AHRR: variants seen among roughly 807,000 people sequenced by gnomAD.
The protein encoded by AHRR is aryl hydrocarbon receptor repressor, also known as ahR repressor.
Under a neutral mutation model 44.0 loss-of-function variants are expected in AHRR, and 28 were observed. That is an observed-to-expected ratio of 0.64 (90% CI 0.47 to 0.87). AHRR has a LOEUF of 0.87. Among genes scored for constraint, AHRR ranks in the 40% least tolerant of loss-of-function variants. AHRR has a pLI of 0.00. For missense variants in AHRR, 990 were observed against 953.9 expected (o/e 1.04, Z -0.50); for synonymous variants, 434 against 407.0 (o/e 1.07, Z -0.80).
chr5:415,441 G>T lies in AHRR; in HGVS notation c.441+2008G>T, dbSNP rs71585242. Among the ~76,000 whole-genome samples the T allele has an allele frequency of 6.6e-3, 576 of 87,912 alleles. 5 individuals are homozygous for T. The highest frequency in any genetic ancestry group is 0.017 in the African/African-American group (253 of 14,852). The allele number at this position is 87,912 out of a possible 152,430, so 57.7% of individuals were successfully genotyped here. A position where few individuals can be genotyped will look rare whatever the true frequency, so the allele number is the denominator to read the frequency against. ...GCCTAGGGGCCGAATCTGCCTGGTC[G>T]GGCGGGAGGCCTAGGGGCCGAGTCT... On this transcript the variant is annotated intron_variant, in intron 5 of 10. Transcript: ENST00000684583.
chr5:434,937 C>G lies in AHRR; in HGVS notation c.*103C>G. The G allele has an allele frequency of 7.0e-7, 1 of 1,429,380 alleles. No individual in the cohort carries two copies. Among genetic ancestry groups the G allele is most frequent in the Non-Finnish European group, 9.3e-7 (1 of 1,075,232 alleles). The allele number at this position is 1,429,380 out of a possible 1,614,324, so 88.5% of individuals were successfully genotyped here. On this transcript the variant is annotated 3_prime_UTR_variant, in exon 11 of 11. Transcript: ENST00000684583. The stretch of plus-strand genomic sequence containing the variant: ...TCAGGCCGGAGCCCGTCCTAAGACA[C>G]ACGCTTTGCAGAGCTGTGCATGCGC...
intron 3 of AHRR, among the ~76,000 whole-genome samples, chr5:373,425 G>C (rs578138408): frequency 6.6e-6 from 1 of 152,334 alleles, no homozygotes; most frequent in East Asian, 1.9e-4. Flanking sequence ...GGTCTTGGAG[G>C]CACAGAGCTC....
chr5:324,598 C>A (rs534045446), intron 1 of AHRR, among the ~76,000 whole-genome samples: 63 of 151,678 alleles, frequency 4.2e-4, no homozygotes, highest in African/African-American at 1.5e-3. Flanking sequence ...CCAGCCTGAC[C>A]AACATGGAGA....
Position 434,813 on chromosome 5 carries a change from G to A in AHRR, c.2073G>A (p.Ser691=), listed in dbSNP as rs368088592. 130 of 1,551,124 alleles carry A rather than the reference G, an allele frequency of 8.4e-5. No individual in the cohort carries two copies. The highest frequency in any genetic ancestry group is 5.5e-4 in the East Asian group (23 of 41,450). ...CCACGCTGGTCCCGCCCCAAGCTTC[G>A]GGGTGCACATTCCTGCCATAGCGCA... ...ALATLVPPQA[S]GCTFLP The change falls in exon 11 of 11, where the codon TCG becomes TCA. Residue 691 remains serine (S), a synonymous_variant. Coordinates refer to ENST00000684583, the MANE Select transcript of AHRR (RefSeq NM_001377236.1).
intron 1 of AHRR, among the ~76,000 whole-genome samples, chr5:324,037 GTC>G (rs1741612105): frequency 1.2e-5 from 1 of 83,942 alleles, no homozygotes; most frequent in Admixed American, 1.1e-4. Flanking sequence ...CTCTCTCTCT[GTC>G]TCTCTTTCTC....
At chr5:424,442 G>T (rs531223335) in intron 7 of AHRR, among the ~76,000 whole-genome samples, 67 of 151,442 alleles carry the variant, frequency 4.4e-4, no homozygotes, top group African/African-American at 1.6e-3. Flanking sequence ...TGGTATGGGG[G>T]TGTTAACCCA....
In AHRR at chr5:414,890, A is replaced by G. The variant is rs539551498; in HGVS notation, c.441+1457A>G. Among the ~76,000 whole-genome samples the G allele has an allele frequency of 4.6e-5, 7 of 152,246 alleles. No individual in the cohort carries two copies. In the South Asian group the frequency reaches 1.4e-3, roughly 31 times the overall value. On this transcript the variant is annotated intron_variant, in intron 5 of 10. Coordinates refer to ENST00000684583, the MANE Select transcript of AHRR (RefSeq NM_001377236.1). Reference sequence around the variant, plus strand: ...GTGTAAGGCAGTGTTAACCAGTAGCACCGGCTCAGCAACGAAGGACTAAAG... The same window carrying G: ...GTGTAAGGCAGTGTTAACCAGTAGCGCCGGCTCAGCAACGAAGGACTAAAG...
At chr5:389,421 A>G (rs1734310713) in intron 4 of AHRR, among the ~76,000 whole-genome samples, 1 of 152,274 alleles carries the variant, frequency 6.6e-6, no homozygotes, top group South Asian at 2.1e-4. Context: ...AATCAACGAC[A>G]CCAACATCAA....
intron 3 of AHRR, among the ~76,000 whole-genome samples, chr5:356,384 C>T (rs1743047778): frequency 6.6e-6 from 1 of 152,218 alleles, no homozygotes; most frequent in African/African-American, 2.4e-5. Flanking sequence ...TTGCTGAAGC[C>T]CAGTTGTGGG....
rs1179475445 is a variant in AHRR, at chr5:411,937, A to G, written c.352-1407A>G. Among the ~76,000 whole-genome samples the G allele has an allele frequency of 6.6e-6, 1 of 152,212 alleles. No homozygotes were observed. The highest frequency in any genetic ancestry group is 1.9e-4 in the East Asian group (1 of 5,192). On this transcript the variant is annotated intron_variant, in intron 4 of 10. Transcript: ENST00000684583. This position sits in a 1 kb window ranked among gnomAD's most constrained non-coding sequence, Gnocchi z 4.2. ...TCCACCTGGTAGCCTGTGCTTGCTC[A>G]GCGTCAGTGGCCATTGCTGCCATGG...
chr5:340,706 T>A (rs1262862714), intron 1 of AHRR, among the ~76,000 whole-genome samples: 16 of 59,564 alleles, frequency 2.7e-4, no homozygotes, highest in African/African-American at 1.0e-3. Flanking sequence ...TTTTTTTTTT[T>A]TTTTTTTGAG....
intron 2 of AHRR, among the ~76,000 whole-genome samples, chr5:352,845 C>G (rs1323924111): frequency 1.3e-5 from 2 of 150,828 alleles, no homozygotes; most frequent in African/African-American, 4.9e-5. Context: ...GGGACGGTCA[C>G]TGTGAGGTTA....
chr5:343,660 CTGACACCGAGGGGAGGCCCAGGCG>C (rs2126362224), intron 1 of AHRR: 1 of 503,804 alleles, frequency 2.0e-6, no homozygotes, highest in African/African-American at 2.1e-5. Context: ...CGGGACCCGC[CTGACACCGAGGGGAGGCCCAGGCG>C]TGACCCGGCC....
Position 404,030 on chromosome 5 carries a change from G to A in AHRR, c.352-9314G>A. 1.3e-6 allele frequency: 1 copy of A among 782,130 alleles called. No individual in the cohort carries two copies. 48.4% of individuals were successfully genotyped at this position (782,130 alleles called of 1,614,324 possible). ...TGGTGTTTTTTCTTAATCCACGGCTGAATCTGTTTAGTCTTTGCATCCAAA... is the reference window on the plus strand; with the variant it reads ...TGGTGTTTTTTCTTAATCCACGGCTAAATCTGTTTAGTCTTTGCATCCAAA... On this transcript the variant is annotated intron_variant, in intron 4 of 10. Transcript: ENST00000684583. The surrounding 1 kb of genome is among the most constrained non-coding windows in gnomAD (Gnocchi z 4.1).
chr5:429,259 G>GC (rs1231707870), intron 8 of AHRR, among the ~76,000 whole-genome samples: 20 of 145,336 alleles, frequency 1.4e-4, no homozygotes, highest in Non-Finnish European at 2.3e-4. Flanking sequence ...GTGAGGTAGG[G>GC]CTGGGCCGCC....
At chr5:348,512 T>TC (rs1742754541) in intron 2 of AHRR, among the ~76,000 whole-genome samples, 1 of 152,162 alleles carries the variant, frequency 6.6e-6, no homozygotes, top group South Asian at 2.1e-4. Context: ...TTGTGGCCCC[T>TC]CGTAATTCCT....
In AHRR at chr5:342,056, C is replaced by T. The variant is rs1054917686; in HGVS notation, c.-10-1837C>T. Among the ~76,000 whole-genome samples the T allele has an allele frequency of 1.6e-4, 25 of 151,940 alleles. No homozygotes were observed. The highest frequency in any genetic ancestry group is 2.0e-4 in the Admixed American group (3 of 15,258). ...TAATTCCATTATGTCAAATAACATA[C>T]TTTGATTTCTGTTTTTAAAAAAATT... On this transcript the variant is annotated intron_variant, in intron 1 of 10. Transcript: ENST00000684583. The surrounding 1 kb of genome is among the most constrained non-coding windows in gnomAD (Gnocchi z 4.3).
intron 10 of AHRR, among the ~76,000 whole-genome samples, 177 bp downstream of exon 10, chr5:433,124 G>T (rs776863728): frequency 1.3e-5 from 2 of 152,202 alleles, no homozygotes; most frequent in Non-Finnish European, 2.9e-5. Flanking sequence ...CAGCTTCCCG[G>T]ACTGGAAGTC....
At chr5:351,965 C>T (rs1742872839) in intron 2 of AHRR, among the ~76,000 whole-genome samples, 1 of 152,232 alleles carries the variant, frequency 6.6e-6, no homozygotes, top group Non-Finnish European at 1.5e-5. Context: ...CCCCTGGAAA[C>T]AGCAGGCTCA....
Sources: allele counts gnomAD v4.1 joint callset (sites outside exome capture counted in the v4.1 genomes callset), GRCh38; gene constraint gnomAD v4.1.1; non-coding constraint Gnocchi (gnomAD v3.1); transcripts MANE v1.5; gene names NCBI Gene and HGNC (gene_info 2026-07-23, HGNC 2026-07-21).